Variants in ANKRD24 observed in about 807,000 individuals in gnomAD.
The protein encoded by ANKRD24 is ankyrin repeat domain 24, also known as ankyrin repeat domain-containing protein 24.
A neutral mutation model predicts 127.8 loss-of-function variants in ANKRD24; 109 were observed. The ratio of observed to expected loss-of-function variants is 0.85; its 90% CI spans 0.73 to 1.00. The LOEUF (loss-of-function observed/expected upper bound fraction) is 1.00, where lower values mean the gene tolerates loss of function less well. ANKRD24 is among the 50% of genes least tolerant of loss of function. The probability of loss-of-function intolerance (pLI) is 0.00; values close to 1 mark genes in which losing one functional copy is unlikely to be tolerated. For missense variants in ANKRD24, 1,648 were observed against 1,570.2 expected (o/e 1.05, Z -0.84); for synonymous variants, 743 against 671.1 (o/e 1.11, Z -1.66).
chr19:4,215,345 C>T lies in ANKRD24; in HGVS notation c.1198-633C>T, dbSNP rs978924116. Among the ~76,000 whole-genome samples, 74 of 151,678 alleles carry T rather than the reference C, an allele frequency of 4.9e-4. 1 individual carries two copies. Among genetic ancestry groups the T allele is most frequent in the Admixed American group, 4.7e-3 (72 of 15,234 alleles). On this transcript the variant is annotated intron_variant, in intron 15 of 21. Coordinates refer to ENST00000318934, the MANE Select transcript of ANKRD24 (RefSeq NM_001393985.1). ...ACTAAAAATACAAAAATTAGCCAGG[C>T]GTGGTGGTACATGCCTGTAATCCCA... is the stretch of plus-strand genomic sequence containing the variant.
rs758342016 is a variant in ANKRD24 at position 4,217,723 on chromosome 19, G to C, written c.2563G>C (p.Glu855Gln). 9 of 1,293,490 alleles carry C rather than the reference G, an allele frequency of 7.0e-6. No individual in the cohort carries two copies. Among genetic ancestry groups the C allele is most frequent in the Middle Eastern group, 3.0e-4 (1 of 3,384 alleles). 80.1% of individuals were successfully genotyped at this position (1,293,490 alleles called of 1,614,324 possible). A position where few individuals can be genotyped will look rare whatever the true frequency, so the allele number is the denominator to read the frequency against. The change falls in exon 18 of 22, where the codon GAG (glutamate) becomes CAG (glutamine). Residue 855 changes from glutamate to glutamine, a missense_variant. Coordinates refer to ENST00000318934, the MANE Select transcript of ANKRD24 (RefSeq NM_001393985.1). The stretch of plus-strand genomic sequence containing the variant: ...GAGCCGGGAGCTGGAGGTTCTGCGG[G>C]AGCAGCTGGCCACGGCCAGGGCCAC... ...EQSRELEVLR[E>Q]QLATARATGE...
chr19:4,206,949 A>T (rs1969418356), intron 7 of ANKRD24, among the ~76,000 whole-genome samples: 1 of 152,088 alleles, frequency 6.6e-6, no homozygotes, highest in Non-Finnish European at 1.5e-5. Context: ...TCTGTCACCC[A>T]GGCTGGTTTG....
At chr19:4,193,179 G>A (rs1474323672) in intron 2 of ANKRD24, among the ~76,000 whole-genome samples, 1 of 150,312 alleles carries the variant, frequency 6.7e-6, no homozygotes, top group African/African-American at 2.4e-5. Flanking sequence ...GTGGGCACCT[G>A]TAATCCCAGC....
At chr19:4,196,698 A>C (rs1231383764) in intron 2 of ANKRD24, among the ~76,000 whole-genome samples, 2 of 152,154 alleles carry the variant, frequency 1.3e-5, no homozygotes, top group African/African-American at 4.8e-5. Context: ...CTAAAATGCC[A>C]ATTACCTGCA....
chr19:4,223,900 T>A (rs559235646), intron 20 of ANKRD24, among the ~76,000 whole-genome samples: 1 of 152,056 alleles, frequency 6.6e-6, no homozygotes, highest in South Asian at 2.1e-4. Context: ...GATTTTACCA[T>A]GTTGGTCCAG....
chr19:4,212,960 G>A (rs561449909), intron 15 of ANKRD24, among the ~76,000 whole-genome samples: 242 of 152,244 alleles, frequency 1.6e-3, no homozygotes, highest in Non-Finnish European at 2.9e-3. Context: ...GTGAAACCCC[G>A]TCTCTACTAC....
At chr19:4,182,783 G>A (rs1967801211) in intron 1 of ANKRD24, 43 bp downstream of exon 1, 2 of 983,076 alleles carry the variant, frequency 2.0e-6, no homozygotes, top group South Asian at 4.7e-5. Flanking sequence ...TGACCCGGGC[G>A]GGAAATTGGG....
At chr19:4,197,019 G>A (rs1245102379) in intron 2 of ANKRD24, among the ~76,000 whole-genome samples, 1 of 152,144 alleles carries the variant, frequency 6.6e-6, no homozygotes, top group Non-Finnish European at 1.5e-5. Context: ...ACAGTTTTAT[G>A]GTGCGCTTAC....
chr19:4,216,321 G>T lies in ANKRD24; in HGVS notation c.1308G>T (p.Ser436=), dbSNP rs45510899. 181,331 of 1,563,006 alleles carry T rather than the reference G, an allele frequency of 0.12. 11,688 individuals are homozygous for T. The highest frequency in any genetic ancestry group is 0.13 in the Non-Finnish European group (150,051 of 1,153,730). Residue 436 remains serine (S), a synonymous_variant, in exon 17 of 22, where the codon TCG becomes TCT. Transcript: ENST00000318934. ...EVLLSRQLSP[S]AQEHLASLQE... The stretch of plus-strand genomic sequence containing the variant: ...TGCTGTCCAGACAACTCAGTCCGTC[G>T]GCCCAGGAACACCTGGCCTCGCTGC...
Position 4,199,540 on chromosome 19 carries a change from C to T in ANKRD24, c.37-143C>T, listed in dbSNP as rs73542003. On this transcript the variant is annotated intron_variant, in intron 2 of 21. Coordinates refer to ENST00000318934, the MANE Select transcript of ANKRD24 (RefSeq NM_001393985.1). The surrounding 1 kb of genome is among the most constrained non-coding windows in gnomAD (Gnocchi z 5.2). ...GGGACAACGTTTTGGAAATAGATGC[C>T]AGGGGGCTGCTCAGGGGATGATGCT... 4,414 of 1,421,470 alleles carry T rather than the reference C, an allele frequency of 3.1e-3. 111 individuals carry two copies. The African/African-American group carries it at 0.054, about 17-fold the overall frequency. 88.1% of individuals were successfully genotyped at this position (1,421,470 alleles called of 1,614,324 possible). A position where few individuals can be genotyped will look rare whatever the true frequency, so the allele number is the denominator to read the frequency against.
chr19:4,219,190 G>A (rs1970307193), intron 18 of ANKRD24, among the ~76,000 whole-genome samples: 1 of 152,026 alleles, frequency 6.6e-6, no homozygotes, highest in Admixed American at 6.6e-5. Context: ...GGAGGCTGAG[G>A]CAGGAGAATC....
In ANKRD24 at chr19:4,217,551, C is replaced by A. The variant is rs1240676935; in HGVS notation, c.2391C>A (p.Asp797Glu). 6 of 1,321,618 alleles carry A rather than the reference C, an allele frequency of 4.5e-6. No homozygotes were observed. The South Asian group carries it at 1.2e-4, about 26-fold the overall frequency. 81.9% of individuals were successfully genotyped at this position (1,321,618 alleles called of 1,614,324 possible). A position where few individuals can be genotyped will look rare whatever the true frequency, so the allele number is the denominator to read the frequency against. The change falls in exon 18 of 22, where the codon GAC becomes GAA. Residue 797 changes from aspartate (D) to glutamate (E), a missense_variant. Coordinates refer to ENST00000318934, the MANE Select transcript of ANKRD24 (RefSeq NM_001393985.1). ...LRAALEQARE[D>E]LRDRDSRLRE... ...CGGCCCTGGAGCAGGCCCGGGAGGA[C>A]CTCCGAGACCGGGACTCCCGCCTGC...
Position 4,198,618 on chromosome 19 carries a change from C to A in ANKRD24, c.37-1065C>A. 2.4e-6 allele frequency: 1 copy of A among 418,480 alleles called. No individual in the cohort carries two copies. Among genetic ancestry groups the A allele is most frequent in the Non-Finnish European group, 4.2e-6 (1 of 236,098 alleles). The allele number at this position is 418,480 out of a possible 1,614,324, so 25.9% of individuals were successfully genotyped here. ...TTCCCCGTCCCCGGCTGACCTGGAC[C>A]ACCCCCCCATTCCAGACCCGGGAAA... On this transcript the variant is annotated intron_variant, in intron 2 of 21. Coordinates refer to ENST00000318934, the MANE Select transcript of ANKRD24 (RefSeq NM_001393985.1). This position sits in a 1 kb window ranked among gnomAD's most constrained non-coding sequence, Gnocchi z 6.1.
chr19:4,214,711 G>T (rs1053273479), intron 15 of ANKRD24, among the ~76,000 whole-genome samples: 7 of 152,048 alleles, frequency 4.6e-5, no homozygotes, highest in Non-Finnish European at 1.0e-4. Flanking sequence ...AAAATTAGCC[G>T]GGTGTGCTGG....
chr19:4,212,934 T>A (rs1269289889), intron 15 of ANKRD24, among the ~76,000 whole-genome samples: 1 of 152,140 alleles, frequency 6.6e-6, no homozygotes. Context: ...AGATCGAGAC[T>A]GTCCTGGCCA....
chr19:4,206,168 TAAATAAATAA>T (rs1568327832), intron 7 of ANKRD24, among the ~76,000 whole-genome samples: 2 of 148,194 alleles, frequency 1.3e-5, no homozygotes, highest in South Asian at 4.2e-4. Flanking sequence ...AATAAATAAA[TAAATAAATAA>T]ATAAAATTAA....
chr19:4,183,848 G>A (rs1181190250), intron 1 of ANKRD24, among the ~76,000 whole-genome samples: 4 of 152,060 alleles, frequency 2.6e-5, no homozygotes, highest in East Asian at 1.9e-4. Flanking sequence ...CGGAGATTGC[G>A]GTGAGCCGGA....
At chr19:4,205,163 G>A (rs541455454) in intron 7 of ANKRD24, among the ~76,000 whole-genome samples, 16 of 152,190 alleles carry the variant, frequency 1.1e-4, no homozygotes, top group Admixed American at 3.9e-4. Flanking sequence ...GCTTAAACCC[G>A]GGGAGTGGAG....
intron 6 of ANKRD24, among the ~76,000 whole-genome samples, chr19:4,202,474 G>T (rs896379693): frequency 7.2e-5 from 11 of 152,064 alleles, no homozygotes; most frequent in African/African-American, 2.7e-4. Context: ...GGAGGCTGAG[G>T]CAGGAGAATC....
Sources: gnomAD v4.1 joint callset for allele counts (sites outside exome capture counted in the v4.1 genomes callset) on GRCh38, gnomAD v4.1.1 for gene constraint, Gnocchi (gnomAD v3.1) non-coding constraint, MANE v1.5 for transcripts, NCBI Gene and HGNC (gene_info 2026-07-23, HGNC 2026-07-21) for gene names.